Variants in TMEM132D observed in about 807,000 individuals in gnomAD.
TMEM132D encodes the protein transmembrane protein 132D.
Under a neutral mutation model 62.3 loss-of-function variants are expected in TMEM132D, and 21 were observed. The ratio of observed to expected loss-of-function variants is 0.34; its 90% CI spans 0.24 to 0.49. The LOEUF is 0.49. TMEM132D is among the 20% of genes least tolerant of loss of function. The pLI is 0.99. For missense variants in TMEM132D, 1,346 were observed against 1,402.8 expected, an observed-to-expected ratio of 0.96 and a Z score of 0.65; for synonymous variants, 621 against 575.6, an observed-to-expected ratio of 1.08 and a Z score of -1.13.
At chr12:129,247,962 C>G (rs1335423416) in intron 4 of TMEM132D, among the ~76,000 whole-genome samples, 1 of 151,680 alleles carries the variant, frequency 6.6e-6, no homozygotes, top group East Asian at 1.9e-4. Flanking sequence ...GCAATTATAC[C>G]TTAATAGATA....
At chr12:129,629,817 A>G (rs1879309245) in intron 2 of TMEM132D, among the ~76,000 whole-genome samples, 1 of 152,200 alleles carries the variant, frequency 6.6e-6, no homozygotes, top group African/African-American at 2.4e-5. Context: ...TGGCTGCCAC[A>G]TGACCTAGCT....
chr12:129,260,585 GTGATTTC>G (rs1364229429), intron 4 of TMEM132D, among the ~76,000 whole-genome samples: 1 of 152,114 alleles, frequency 6.6e-6, no homozygotes, highest in Non-Finnish European at 1.5e-5. Context: ...TTCTTTAGTG[GTGATTTC>G]TGAAACTTTA....
chr12:129,211,697 G>C (rs940008471), intron 4 of TMEM132D, among the ~76,000 whole-genome samples: 1 of 152,106 alleles, frequency 6.6e-6, no homozygotes, highest in African/African-American at 2.4e-5. Context: ...ACTCCAATTT[G>C]GAATGCTCCT....
chr12:129,701,525 C>T (rs2137228868), intron 1 of TMEM132D, among the ~76,000 whole-genome samples: 1 of 152,366 alleles, frequency 6.6e-6, no homozygotes, highest in South Asian at 2.1e-4. Flanking sequence ...CCATGCCAGC[C>T]ACATCCTGTG....
chr12:129,680,833 C>T (rs1410163692), intron 2 of TMEM132D, among the ~76,000 whole-genome samples: 1 of 152,094 alleles, frequency 6.6e-6, no homozygotes, highest in Admixed American at 6.5e-5. Context: ...TTAAAAGAGG[C>T]CAAGAGTAAG....
chr12:129,672,350 C>A (rs1442550423), intron 2 of TMEM132D, among the ~76,000 whole-genome samples: 1 of 152,196 alleles, frequency 6.6e-6, no homozygotes, highest in Non-Finnish European at 1.5e-5. Flanking sequence ...TGAAGGATGG[C>A]AGAGCCCCAA....
At chr12:129,845,949 G>A (rs1394932090) in intron 1 of TMEM132D, among the ~76,000 whole-genome samples, 2 of 152,188 alleles carry the variant, frequency 1.3e-5, no homozygotes, top group Admixed American at 6.5e-5. Flanking sequence ...AAGTTATGCA[G>A]CAATTTCTAG....
At chr12:129,770,703 C>T (rs563824817) in intron 1 of TMEM132D, among the ~76,000 whole-genome samples, 44 of 152,176 alleles carry the variant, frequency 2.9e-4, no homozygotes, top group Non-Finnish European at 5.7e-4. Context: ...CTTACGCAAG[C>T]TCAGAACACT....
chr12:129,075,246 C>T (rs959987636), intron 8 of TMEM132D, among the ~76,000 whole-genome samples, 187 bp from the exon 9 acceptor site: 5 of 147,816 alleles, frequency 3.4e-5, no homozygotes, highest in African/African-American at 1.2e-4. Flanking sequence ...CACAAAGATG[C>T]AAAAAAGCAA....
intron 5 of TMEM132D, among the ~76,000 whole-genome samples, chr12:129,188,951 T>G (rs1431805471): frequency 6.6e-6 from 1 of 152,164 alleles, no homozygotes; most frequent in Non-Finnish European, 1.5e-5. Flanking sequence ...AGTGCTTGAG[T>G]GGCTGAGACC....
At chr12:129,468,684 T>G (rs1873998736) in intron 3 of TMEM132D, among the ~76,000 whole-genome samples, 1 of 152,222 alleles carries the variant, frequency 6.6e-6, no homozygotes, top group Non-Finnish European at 1.5e-5. Flanking sequence ...TACTTTTTCC[T>G]CTTGATGCCT....
intron 1 of TMEM132D, among the ~76,000 whole-genome samples, chr12:129,814,611 C>CAAAAAAAAAAAAAA (rs34979485): frequency 1.1e-5 from 1 of 94,570 alleles, no homozygotes; most frequent in East Asian, 3.3e-4. Flanking sequence ...AACTCCCTCT[C>CAAAAAAAAAAAAAA]AAAAAAAAAA....
chr12:129,476,695 T>A lies in TMEM132D; in HGVS notation c.1115+54364A>T, dbSNP rs561906512. ...CCACCTCGACATTCTGGGAGAGAGA[T>A]GTATTTGTGGTGGGGGCTGGAGTGC... On this transcript the variant is annotated intron_variant, in intron 3 of 8. Transcript: ENST00000422113. Among the ~76,000 whole-genome samples, 5 of 152,188 alleles carry A rather than the reference T, an allele frequency of 3.3e-5. No individual in the cohort carries two copies. The South Asian group carries it at 1.0e-3, about 32-fold the overall frequency.
At chr12:129,893,897 T>C (rs1168098941) in intron 1 of TMEM132D, among the ~76,000 whole-genome samples, 3 of 152,264 alleles carry the variant, frequency 2.0e-5, no homozygotes, top group South Asian at 2.1e-4. Flanking sequence ...CACCTTCCCA[T>C]CCCTCAGTGG....
chr12:129,399,604 C>G (rs116186755), intron 3 of TMEM132D, among the ~76,000 whole-genome samples: 3,491 of 147,652 alleles, frequency 0.024, 127 homozygotes, highest in African/African-American at 0.084. Flanking sequence ...CACCACAGAA[C>G]GTATTTACCT....
intron 1 of TMEM132D, among the ~76,000 whole-genome samples, chr12:129,873,901 A>G (rs1217409919): frequency 6.6e-6 from 1 of 152,234 alleles, no homozygotes. Flanking sequence ...GAATCAGGCA[A>G]CTTTTAAAAA....
Position 129,172,816 on chromosome 12 carries a change from G to A in TMEM132D, c.1443+36704C>T, listed in dbSNP as rs564489782. ...TGGTCTCAAACTCCCGGCCTCAGGCGATCCACCCACCTCGGCCTCCCAAAG... is the reference window on the plus strand; with the variant it reads ...TGGTCTCAAACTCCCGGCCTCAGGCAATCCACCCACCTCGGCCTCCCAAAG... On this transcript the variant is annotated intron_variant, in intron 5 of 8. Transcript: ENST00000422113. 6.6e-5 allele frequency among the ~76,000 whole-genome samples: 10 copies of A among 152,262 alleles called. No homozygotes were observed. The East Asian group carries it at 1.4e-3, about 21-fold the overall frequency.
At chr12:129,360,056 A>T (rs1424471707) in intron 3 of TMEM132D, among the ~76,000 whole-genome samples, 1 of 152,110 alleles carries the variant, frequency 6.6e-6, no homozygotes, top group East Asian at 1.9e-4. Flanking sequence ...AAAACTGTCC[A>T]TAGGAAACTG....
intron 3 of TMEM132D, among the ~76,000 whole-genome samples, chr12:129,487,288 T>A (rs1874612710): frequency 6.6e-6 from 1 of 152,130 alleles, no homozygotes; most frequent in Non-Finnish European, 1.5e-5. Context: ...TGTGGCTGGA[T>A]CTCCTAAGGC....
Sources: allele counts gnomAD v4.1 joint callset (sites outside exome capture counted in the v4.1 genomes callset), GRCh38; gene constraint gnomAD v4.1.1; transcripts MANE v1.5; gene names NCBI Gene and HGNC (gene_info 2026-07-23, HGNC 2026-07-21).